Variants in RRM1 observed in about 807,000 individuals in gnomAD.
RRM1 encodes the protein ribonucleotide reductase catalytic subunit M1.
A neutral mutation model predicts 101.5 loss-of-function variants in RRM1; 19 were observed. That is an observed-to-expected ratio of 0.19 (90% CI 0.13 to 0.27). The LOEUF is 0.27. Among genes scored for constraint, RRM1 ranks in the 10% least tolerant of loss-of-function variants. The probability of loss-of-function intolerance (pLI) is 1.00; values close to 1 mark genes in which losing one functional copy is unlikely to be tolerated. For missense variants in RRM1, 500 were observed against 962.9 expected, an observed-to-expected ratio of 0.52 and a Z score of 6.36; for synonymous variants, 298 against 323.4, an observed-to-expected ratio of 0.92 and a Z score of 0.84.
At chr11:4,131,108 C>T (rs137990598) in intron 15 of RRM1, among the ~76,000 whole-genome samples, 8 of 152,200 alleles carry the variant, frequency 5.3e-5, no homozygotes, top group East Asian at 1.9e-4. Context: ...CTCACAGTTC[C>T]GCAGGGTTGG....
chr11:4,101,528 G>T (rs189104186), intron 1 of RRM1, among the ~76,000 whole-genome samples: 1 of 138,520 alleles, frequency 7.2e-6, no homozygotes, highest in East Asian at 2.1e-4. Context: ...TGATCAGGCT[G>T]ATCTCGAACT....
At chr11:4,124,950 C>G (rs946460428) in intron 12 of RRM1, among the ~76,000 whole-genome samples, 52 of 147,636 alleles carry the variant, frequency 3.5e-4, no homozygotes, top group African/African-American at 1.3e-3. Flanking sequence ...GAGTCTTGCT[C>G]TGTCACCAGG....
Position 4,132,516 on chromosome 11 carries a change from G to T in RRM1, c.1905+95G>T. On this transcript the variant is annotated intron_variant, in intron 16 of 18. Transcript: ENST00000300738. This position sits in a 1 kb window ranked among gnomAD's most constrained non-coding sequence, Gnocchi z 4.1. Reference sequence around the variant, plus strand: ...CATGTTTAATTTGCCCATTTTCTTAGTTTGGGTGCAAACTTTGATAAAGAC... The same window carrying T: ...CATGTTTAATTTGCCCATTTTCTTATTTTGGGTGCAAACTTTGATAAAGAC... 2 of 1,349,790 alleles carry T rather than the reference G, an allele frequency of 1.5e-6. No individual in the cohort carries two copies. Among genetic ancestry groups the T allele is most frequent in the South Asian group, 1.3e-5 (1 of 76,368 alleles). The allele number at this position is 1,349,790 out of a possible 1,614,324, so 83.6% of individuals were successfully genotyped here.
chr11:4,118,289 G>GCT, intron 7 of RRM1, 31 bp from the exon 8 acceptor site: 1 of 1,560,470 alleles, frequency 6.4e-7, no homozygotes, highest in Non-Finnish European at 8.7e-7. Flanking sequence ...TCATTTCCTT[G>GCT]CTCTAAGTTG....
At chr11:4,127,007 C>T in intron 13 of RRM1, 28 bp from the exon 14 acceptor site, 1 of 1,578,210 alleles carries the variant, frequency 6.3e-7, no homozygotes, top group South Asian at 1.2e-5. Flanking sequence ...ATGTTTTCTC[C>T]TTTTCTTTAA....
chr11:4,095,891 CGTAT>C lies in RRM1; in HGVS notation c.19+862_19+865del, dbSNP rs1307735036. On this transcript the variant is annotated intron_variant, in intron 1 of 18. Transcript: ENST00000300738. ...ATACTTTTAACAACCGCATGAGATA[CGTAT>C]GAACAAGTTTTGAGTTGAACCTACT... Among the ~76,000 whole-genome samples the C allele has an allele frequency of 9.9e-5, 15 of 152,258 alleles. No individual in the cohort carries two copies. In the East Asian group the frequency reaches 2.9e-3, roughly 29 times the overall value.
At chr11:4,122,937 C>A (rs1304024401) in intron 11 of RRM1, among the ~76,000 whole-genome samples, 1 of 151,762 alleles carries the variant, frequency 6.6e-6, no homozygotes, top group Non-Finnish European at 1.5e-5. Flanking sequence ...AGTTTTTACT[C>A]CTTTTTATTA....
chr11:4,095,106 C>T, intron 1 of RRM1, 75 bp downstream of exon 1: 1 of 1,447,992 alleles, frequency 6.9e-7, no homozygotes, highest in Non-Finnish European at 9.4e-7. Context: ...GATGCCCAGA[C>T]CGCCCGCCCG....
In RRM1 at chr11:4,132,561, A is replaced by G. The variant is rs1378006818; in HGVS notation, c.1905+140A>G. The G allele has an allele frequency of 4.0e-6, 3 of 747,408 alleles. No homozygotes were observed. Among genetic ancestry groups the G allele is most frequent in the East Asian group, 5.3e-5 (2 of 37,588 alleles). The allele number at this position is 747,408 out of a possible 1,614,324, so 46.3% of individuals were successfully genotyped here. Reference sequence around the variant, plus strand: ...AAAGACAGTCATCTTCATCTCTAATATTATTATTTGTTATTAATATTTCAG... The same window carrying G: ...AAAGACAGTCATCTTCATCTCTAATGTTATTATTTGTTATTAATATTTCAG... On this transcript the variant is annotated intron_variant, in intron 16 of 18. Coordinates refer to ENST00000300738, the MANE Select transcript of RRM1 (RefSeq NM_001033.5). This position sits in a 1 kb window ranked among gnomAD's most constrained non-coding sequence, Gnocchi z 4.1.
At chr11:4,122,740 G>GT (rs1212706973) in intron 11 of RRM1, among the ~76,000 whole-genome samples, 3 of 152,092 alleles carry the variant, frequency 2.0e-5, no homozygotes, top group African/African-American at 7.2e-5. Flanking sequence ...GGGCGTGGTG[G>GT]TGCACACCTG....
In RRM1 at chr11:4,132,916, A is replaced by T. The variant is rs1019577556; in HGVS notation, c.1905+495A>T. 9.2e-5 allele frequency among the ~76,000 whole-genome samples: 14 copies of T among 152,290 alleles called. 2 individuals are homozygous for T. The South Asian group carries it at 2.7e-3, about 29-fold the overall frequency. On this transcript the variant is annotated intron_variant, in intron 16 of 18. Coordinates refer to ENST00000300738, the MANE Select transcript of RRM1 (RefSeq NM_001033.5). This position sits in a 1 kb window ranked among gnomAD's most constrained non-coding sequence, Gnocchi z 4.1. ...TAAAAGACTATTTGTGAATTTCCAG[A>T]TATCTTGAAGTAAAGTTCTGTAAAG...
In RRM1 at chr11:4,124,281, A is replaced by G. The variant is rs140960329; in HGVS notation, c.1320+897A>G. ...GTGAGAAGGGATTAGAGGTTAGCCT[A>G]GGGAGATTGTTGTACTAGTTGGATG... On this transcript the variant is annotated intron_variant, in intron 12 of 18. Coordinates refer to ENST00000300738, the MANE Select transcript of RRM1 (RefSeq NM_001033.5). 7.2e-5 allele frequency among the ~76,000 whole-genome samples: 11 copies of G among 152,302 alleles called. No homozygotes were observed. The Middle Eastern group carries it at 0.01, about 141-fold the overall frequency.
intron 3 of RRM1, among the ~76,000 whole-genome samples, chr11:4,106,657 A>C (rs2094558717): frequency 6.6e-6 from 1 of 152,014 alleles, no homozygotes; most frequent in South Asian, 2.1e-4. Context: ...CTGAGGCAGG[A>C]GAATTGCTTG....
intron 14 of RRM1, among the ~76,000 whole-genome samples, chr11:4,128,287 G>A (rs185005550): frequency 6.6e-6 from 1 of 151,334 alleles, no homozygotes; most frequent in South Asian, 2.1e-4. Context: ...CAAGTCTCCC[G>A]AGTTAGTAGA....
intron 12 of RRM1, among the ~76,000 whole-genome samples, chr11:4,124,952 G>A (rs2094587300): frequency 6.9e-6 from 1 of 144,346 alleles, no homozygotes; most frequent in African/African-American, 2.6e-5. Flanking sequence ...GTCTTGCTCT[G>A]TCACCAGGCT....
Position 4,138,533 on chromosome 11 carries a change from G to T in RRM1, c.*150G>T. The T allele has an allele frequency of 3.1e-6, 1 of 322,418 alleles. No homozygotes were observed. Among genetic ancestry groups the T allele is most frequent in the African/African-American group, 4.3e-5 (1 of 23,122 alleles). 20.0% of individuals were successfully genotyped at this position (322,418 alleles called of 1,614,324 possible). ...ATTGATTTAAAGTACTGTTAATGAT[G>T]ATAATGATTTTTTTTTTAAACTCAT... On this transcript the variant is annotated 3_prime_UTR_variant, in exon 19 of 19. Transcript: ENST00000300738.
At chr11:4,108,968 C>G (rs942808840) in intron 4 of RRM1, among the ~76,000 whole-genome samples, 1 of 151,732 alleles carries the variant, frequency 6.6e-6, no homozygotes, top group Non-Finnish European at 1.5e-5. Flanking sequence ...CCTTTTTTTT[C>G]TCTCCAAAAT....
At chr11:4,118,643 T>C (rs368398933) in intron 8 of RRM1, among the ~76,000 whole-genome samples, 182 bp downstream of exon 8, 1 of 152,206 alleles carries the variant, frequency 6.6e-6, no homozygotes, top group African/African-American at 2.4e-5. Flanking sequence ...ATATTAGATA[T>C]TTAGATTTGA....
rs1186362360 is a variant in RRM1, at chr11:4,138,226, C to T, written c.2222C>T (p.Thr741Ile). ...AAGACTGGGATGTATTATTTAAGGA[C>T]AAGACCAGCGGCTAATCCAATCCAG... The part of the protein sequence containing the change: ...GLKTGMYYLR[T>I]RPAANPIQFT... The change falls in exon 19 of 19, where the codon ACA becomes ATA. Residue 741 changes from threonine (T) to isoleucine (I), a missense_variant. This residue lies in a region of RRM1 where 79 missense variants were observed against 176.4 expected (regional missense o/e 0.45). Transcript: ENST00000300738. The T allele has an allele frequency of 5.0e-6, 8 of 1,590,392 alleles. No homozygotes were observed. The highest frequency in any genetic ancestry group is 1.7e-5 in the Admixed American group (1 of 58,982).
Sources: allele counts gnomAD v4.1 joint callset (sites outside exome capture counted in the v4.1 genomes callset), GRCh38; gene constraint gnomAD v4.1.1; regional missense constraint gnomAD v4.1.1; non-coding constraint Gnocchi (gnomAD v3.1); transcripts MANE v1.5; gene names NCBI Gene and HGNC (gene_info 2026-07-23, HGNC 2026-07-21).